Variants in LHFPL6 observed in about 807,000 individuals in gnomAD.
LHFPL6 encodes LHFPL tetraspan subfamily member 6.
Under a neutral mutation model 20.6 loss-of-function variants are expected in LHFPL6, and 9 were observed. The ratio of observed to expected loss-of-function variants is 0.44; its 90% confidence interval spans 0.26 to 0.76. The LOEUF (loss-of-function observed/expected upper bound fraction) is 0.76. Ranked by LOEUF, LHFPL6 falls within the 30% of genes least tolerant of loss-of-function variation. LHFPL6 has a pLI of 0.20. For synonymous variants in LHFPL6, 105 were observed against 98.7 expected (o/e 1.06, Z -0.38); for missense variants, 218 against 253.5 (o/e 0.86, Z 0.95).
At chr13:39,601,786 C>T (rs903225450) in intron 1 of LHFPL6, among the ~76,000 whole-genome samples, 19 of 152,292 alleles carry the variant, frequency 1.2e-4, no homozygotes, top group African/African-American at 3.4e-4. Flanking sequence ...CAAGTTCATG[C>T]TCATAGTTTG....
At chr13:39,359,477 G>T (rs547112942) in intron 3 of LHFPL6, among the ~76,000 whole-genome samples, 2 of 151,998 alleles carry the variant, frequency 1.3e-5, no homozygotes, top group South Asian at 4.2e-4. Context: ...ATACTACATG[G>T]CCATAAAAAA....
chr13:39,579,644 T>C (rs924112778), intron 2 of LHFPL6, among the ~76,000 whole-genome samples: 7 of 152,340 alleles, frequency 4.6e-5, no homozygotes, highest in Non-Finnish European at 8.8e-5. Flanking sequence ...ATCAAAGATA[T>C]TATTTTCTTT....
intron 3 of LHFPL6, among the ~76,000 whole-genome samples, chr13:39,355,726 G>A (rs1019703882): frequency 1.3e-5 from 2 of 152,222 alleles, no homozygotes; most frequent in Admixed American, 6.5e-5. Flanking sequence ...AAAAGAGCAG[G>A]GGTTGCTATT....
intron 2 of LHFPL6, among the ~76,000 whole-genome samples, chr13:39,444,360 TAAGGGTGTGGCCAAGAGACGTTTGCTA>T (rs984843325): frequency 6.6e-6 from 1 of 152,196 alleles, no homozygotes; most frequent in Non-Finnish European, 1.5e-5. Context: ...CAGAGAATAC[TAAGGGTGTGGCCAAGAGACGTTTGCTA>T]AAGAGATTCA....
chr13:39,569,781 A>C (rs1871854601), intron 2 of LHFPL6, among the ~76,000 whole-genome samples: 1 of 152,232 alleles, frequency 6.6e-6, no homozygotes, highest in Admixed American at 6.5e-5. Context: ...TAATATCTTC[A>C]CTTTCTTACA....
intron 2 of LHFPL6, among the ~76,000 whole-genome samples, chr13:39,477,704 T>C (rs1873118999): frequency 6.6e-6 from 1 of 152,196 alleles, no homozygotes; most frequent in Non-Finnish European, 1.5e-5. Flanking sequence ...ATGTCTTTTG[T>C]TTGCCAGTGA....
At chr13:39,380,613 C>T (rs1870413923) in intron 2 of LHFPL6, among the ~76,000 whole-genome samples, 1 of 151,810 alleles carries the variant, frequency 6.6e-6, no homozygotes, top group Non-Finnish European at 1.5e-5. Flanking sequence ...CCATCTCTGC[C>T]TCCTGAGTAG....
intron 2 of LHFPL6, among the ~76,000 whole-genome samples, chr13:39,474,624 C>T (rs1347793558): frequency 2.6e-5 from 4 of 152,088 alleles, no homozygotes; most frequent in Non-Finnish European, 5.9e-5. Context: ...TAATGTAATG[C>T]CATGACACAC....
chr13:39,522,498 C>G (rs1870141620), intron 2 of LHFPL6, among the ~76,000 whole-genome samples: 1 of 152,238 alleles, frequency 6.6e-6, no homozygotes, highest in South Asian at 2.1e-4. Context: ...CAATAACTTA[C>G]TGTTCCACAC....
chr13:39,375,625 G>A (rs190411892), intron 3 of LHFPL6, among the ~76,000 whole-genome samples: 1 of 144,558 alleles, frequency 6.9e-6, no homozygotes, highest in East Asian at 1.9e-4. Context: ...GGGAGGTGGA[G>A]GTTGCAGTGA....
chr13:39,380,835 A>G (rs1870419433), intron 2 of LHFPL6, among the ~76,000 whole-genome samples: 1 of 152,096 alleles, frequency 6.6e-6, no homozygotes, highest in Admixed American at 6.6e-5. Flanking sequence ...ATTGTGAACT[A>G]TGCATGCAAG....
chr13:39,509,952 TAAA>T lies in LHFPL6; in HGVS notation c.385+90877_385+90879del, dbSNP rs1157620661. Among the ~76,000 whole-genome samples, 6 of 152,050 alleles carry T rather than the reference TAAA, an allele frequency of 3.9e-5. No individual in the cohort carries two copies. In the East Asian group the frequency reaches 9.6e-4, roughly 24 times the overall value. On this transcript the variant is annotated intron_variant, in intron 2 of 3. Transcript: ENST00000379589. ...GAGACCTGGTCTCAAAAAAATAAAATAAAAATACTACAACTGGCATGAACCAGA... is the reference window on the plus strand; with the variant it reads ...GAGACCTGGTCTCAAAAAAATAAAATAATACTACAACTGGCATGAACCAGA...
chr13:39,392,598 A>G (rs1043043810), intron 2 of LHFPL6, among the ~76,000 whole-genome samples: 2 of 77,622 alleles, frequency 2.6e-5, no homozygotes, highest in Non-Finnish European at 5.4e-5. Context: ...CCGTCTCAAA[A>G]CAAAACAAAA....
chr13:39,403,082 T>C (rs2138380582), intron 2 of LHFPL6, among the ~76,000 whole-genome samples: 1 of 152,356 alleles, frequency 6.6e-6, no homozygotes, highest in South Asian at 2.1e-4. Context: ...GATAATTTAA[T>C]ACTTGTATCA....
chr13:39,547,150 C>T (rs949373551), intron 2 of LHFPL6, among the ~76,000 whole-genome samples: 1 of 152,052 alleles, frequency 6.6e-6, no homozygotes, highest in Non-Finnish European at 1.5e-5. Flanking sequence ...CTCCCCATTC[C>T]AGTGCCCTGG....
At chr13:39,359,086 C>T (rs1027095076) in intron 3 of LHFPL6, among the ~76,000 whole-genome samples, 25 of 151,508 alleles carry the variant, frequency 1.7e-4, no homozygotes, top group African/African-American at 6.1e-4. Flanking sequence ...CACTTGAACC[C>T]GGGAGGCGGA....
chr13:39,561,861 G>C (rs1447847171), intron 2 of LHFPL6, among the ~76,000 whole-genome samples: 5 of 152,272 alleles, frequency 3.3e-5, no homozygotes, highest in Admixed American at 2.6e-4. Flanking sequence ...GCTTTCACTT[G>C]ATTCTCACAA....
intron 2 of LHFPL6, among the ~76,000 whole-genome samples, chr13:39,567,026 A>AG (rs1268893874): frequency 7.7e-5 from 4 of 51,832 alleles, no homozygotes; most frequent in Non-Finnish European, 1.1e-4. Flanking sequence ...AATGTTAGCC[A>AG]GGGTTTTTTT....
intron 2 of LHFPL6, among the ~76,000 whole-genome samples, chr13:39,474,143 G>GTTA (rs1873020024): frequency 1.3e-5 from 2 of 152,180 alleles, no homozygotes; most frequent in African/African-American, 4.8e-5. Flanking sequence ...TATTTTATGG[G>GTTA]TATGCCTTTT....
Sources: gnomAD v4.1 joint callset for allele counts (sites outside exome capture counted in the v4.1 genomes callset) on GRCh38, gnomAD v4.1.1 for gene constraint, MANE v1.5 for transcripts, NCBI Gene and HGNC (gene_info 2026-07-23, HGNC 2026-07-21) for gene names.